KHDRBS3: variants seen among roughly 807,000 people sequenced by gnomAD.
KHDRBS3 encodes KH domain-containing, RNA-binding, signal transduction-associated protein 3.
KHDRBS3 carries 23 observed loss-of-function variants against 45.6 expected under a neutral mutation model. The ratio of observed to expected loss-of-function variants is 0.50; its 90% CI spans 0.36 to 0.72. The LOEUF (loss-of-function observed/expected upper bound fraction) is 0.72. Ranked by LOEUF, KHDRBS3 falls within the 30% of genes least tolerant of loss-of-function variation. KHDRBS3 has a pLI of 0.00. For synonymous variants in KHDRBS3, 162 were observed against 156.5 expected, an observed-to-expected ratio of 1.04 and a Z score of -0.26; for missense variants, 352 against 424.8, an observed-to-expected ratio of 0.83 and a Z score of 1.51.
chr8:135,614,542 C>A, intron 7 of KHDRBS3, among the ~76,000 whole-genome samples: 1 of 151,738 alleles, frequency 6.6e-6, no homozygotes, highest in East Asian at 1.9e-4. Flanking sequence ...CTAAATAGAA[C>A]ATAAAGGGTC....
intron 1 of KHDRBS3, chr8:135,458,316 C>CG: frequency 9.4e-6 from 5 of 529,784 alleles, no homozygotes; most frequent in Non-Finnish European, 1.3e-5. Context: ...GTGTTGGACT[C>CG]GGGGAAGTAG....
At chr8:135,606,010 T>A (rs1829444571) in intron 6 of KHDRBS3, among the ~76,000 whole-genome samples, 1 of 152,214 alleles carries the variant, frequency 6.6e-6, no homozygotes, top group African/African-American at 2.4e-5. Context: ...GTGACTTTTC[T>A]AAACTAATCT....
intron 2 of KHDRBS3, 97 bp downstream of exon 2, chr8:135,521,452 T>C: frequency 1.5e-6 from 1 of 684,730 alleles, no homozygotes; most frequent in Non-Finnish European, 2.6e-6. Flanking sequence ...AGAGATGTTT[T>C]CTCTTAGCAT....
intron 5 of KHDRBS3, among the ~76,000 whole-genome samples, chr8:135,573,261 G>A (rs1029828939): frequency 5.9e-5 from 9 of 152,186 alleles, no homozygotes; most frequent in African/African-American, 9.7e-5. Context: ...CCTGCTGTAC[G>A]TGGCTGCTTC....
At chr8:135,616,790 G>A (rs1451631075) in intron 7 of KHDRBS3, among the ~76,000 whole-genome samples, 1 of 152,120 alleles carries the variant, frequency 6.6e-6, no homozygotes, top group African/African-American at 2.4e-5. Context: ...AAGTCTGTAA[G>A]ATAAAGACCT....
chr8:135,471,816 C>T (rs737062), intron 1 of KHDRBS3, among the ~76,000 whole-genome samples: 1 of 152,246 alleles, frequency 6.6e-6, no homozygotes, highest in Non-Finnish European at 1.5e-5. Flanking sequence ...CGCTCGCTCT[C>T]TGTGTGCCAG....
intron 7 of KHDRBS3, among the ~76,000 whole-genome samples, chr8:135,610,811 T>C (rs1829677937): frequency 1.3e-5 from 2 of 151,760 alleles, no homozygotes; most frequent in South Asian, 4.2e-4. Context: ...CTACACATAA[T>C]TGTGTAGGGC....
At chr8:135,616,623 T>TA (rs762840984) in intron 7 of KHDRBS3, among the ~76,000 whole-genome samples, 6 of 152,192 alleles carry the variant, frequency 3.9e-5, no homozygotes, top group African/African-American at 7.2e-5. Context: ...CAACAGTACT[T>TA]ACGATCAACC....
At chr8:135,545,930 G>C (rs558696108) in intron 3 of KHDRBS3, among the ~76,000 whole-genome samples, 1 of 152,258 alleles carries the variant, frequency 6.6e-6, no homozygotes, top group Non-Finnish European at 1.5e-5. Context: ...CTGAGGTCAG[G>C]AGTTCGAGAC....
intron 1 of KHDRBS3, among the ~76,000 whole-genome samples, chr8:135,466,957 T>C (rs1821726538): frequency 6.6e-6 from 1 of 152,254 alleles, no homozygotes; most frequent in East Asian, 1.9e-4. Flanking sequence ...TCAGTGGTTG[T>C]CATACATTTT....
intron 1 of KHDRBS3, among the ~76,000 whole-genome samples, chr8:135,479,213 C>T (rs974434757): frequency 6.6e-6 from 1 of 152,118 alleles, no homozygotes; most frequent in Non-Finnish European, 1.5e-5. Flanking sequence ...AAATTAGATA[C>T]CTTAGATGAA....
intron 8 of KHDRBS3, 139 bp downstream of exon 8, chr8:135,645,256 G>C (rs1831236793): frequency 1.4e-6 from 1 of 697,800 alleles, no homozygotes; most frequent in Non-Finnish European, 2.3e-6. Flanking sequence ...TGCATGTCTA[G>C]CTATTTTTAG....
At chr8:135,652,255 A>T (rs1402674648), downstream of KHDRBS3, among the ~76,000 whole-genome samples, 1 of 152,166 alleles carries the variant, frequency 6.6e-6, no homozygotes, top group East Asian at 1.9e-4. Context: ...ACCCTCCCTT[A>T]TCGATGGAAA....
intron 2 of KHDRBS3, among the ~76,000 whole-genome samples, chr8:135,531,881 G>T (rs1033477782): frequency 6.6e-6 from 1 of 152,104 alleles, no homozygotes; most frequent in Non-Finnish European, 1.5e-5. Flanking sequence ...GCATGGAATT[G>T]TATATATCTC....
intron 5 of KHDRBS3, among the ~76,000 whole-genome samples, chr8:135,571,245 A>G (rs183437391): frequency 7.9e-4 from 121 of 152,342 alleles, no homozygotes; most frequent in African/African-American, 2.9e-3. Context: ...AGTTTAAACA[A>G]GATCCACTAA....
At chr8:135,548,719 G>C (rs771114583) in intron 3 of KHDRBS3, 35 bp from the exon 4 acceptor site, 13 of 1,425,202 alleles carry the variant, frequency 9.1e-6, no homozygotes, top group Non-Finnish European at 1.2e-5. Flanking sequence ...ATAATGACAC[G>C]TTTTTAAATG....
intron 1 of KHDRBS3, among the ~76,000 whole-genome samples, chr8:135,473,601 C>T (rs1822122928): frequency 6.6e-6 from 1 of 152,150 alleles, no homozygotes; most frequent in Non-Finnish European, 1.5e-5. Flanking sequence ...CCAGTCCTTT[C>T]ATTGTGGCTT....
At chr8:135,600,946 G>A (rs1419129227) in intron 6 of KHDRBS3, among the ~76,000 whole-genome samples, 3 of 152,146 alleles carry the variant, frequency 2.0e-5, no homozygotes, top group Non-Finnish European at 4.4e-5. Flanking sequence ...AAAACAGTCT[G>A]CCCACCTCAG....
intron 5 of KHDRBS3, among the ~76,000 whole-genome samples, chr8:135,579,072 G>A (rs1343102378): frequency 6.6e-6 from 1 of 152,152 alleles, no homozygotes; most frequent in Non-Finnish European, 1.5e-5. Context: ...AGGAGTATGT[G>A]TAGGGTTTGA....
Sources: allele counts gnomAD v4.1 joint callset (sites outside exome capture counted in the v4.1 genomes callset), GRCh38; gene constraint gnomAD v4.1.1; transcripts MANE v1.5; gene names NCBI Gene and HGNC (gene_info 2026-07-23, HGNC 2026-07-21).